ARHGEF28: variants seen among roughly 807,000 people sequenced by gnomAD.
ARHGEF28 encodes the protein Rho guanine nucleotide exchange factor 28.
In ARHGEF28, 152 loss-of-function variants were observed where a neutral mutation model predicts 206.6. The observed-to-expected ratio is 0.74, with a 90% CI of 0.64 to 0.84. The LOEUF (loss-of-function observed/expected upper bound fraction) is 0.84, where lower values mean the gene tolerates loss of function less well. ARHGEF28 is among the 40% of genes least tolerant of loss of function. ARHGEF28 has a pLI of 0.00. For synonymous variants in ARHGEF28, 763 were observed against 776.4 expected, an observed-to-expected ratio of 0.98 and a Z score of 0.29; for missense variants, 2,028 against 2,073.2, an observed-to-expected ratio of 0.98 and a Z score of 0.42.
intron 9 of ARHGEF28, among the ~76,000 whole-genome samples, chr5:73,815,252 A>G (rs60211480): frequency 0.076 from 11,614 of 152,086 alleles, 773 homozygotes; most frequent in African/African-American, 0.17. Context: ...TCGTACACAA[A>G]TAGAAAATGC....
intron 2 of ARHGEF28, among the ~76,000 whole-genome samples, chr5:73,695,781 T>C (rs1048546935): frequency 6.6e-6 from 1 of 152,214 alleles, no homozygotes; most frequent in African/African-American, 2.4e-5. Context: ...TCTTCAGAGT[T>C]GCCATTTTCT....
intron 9 of ARHGEF28, among the ~76,000 whole-genome samples, chr5:73,805,334 T>C (rs1352825002): frequency 1.3e-5 from 2 of 151,938 alleles, no homozygotes; most frequent in Non-Finnish European, 2.9e-5. Flanking sequence ...AACCTTGAGG[T>C]TGGGGATGGG....
At chr5:73,756,661 A>T (rs1056919758) in intron 4 of ARHGEF28, among the ~76,000 whole-genome samples, 7 of 152,182 alleles carry the variant, frequency 4.6e-5, no homozygotes, top group Admixed American at 2.0e-4. Context: ...GATATTGGCT[A>T]AGTTTAGATT....
At chr5:73,789,173 A>G (rs926712825) in intron 7 of ARHGEF28, among the ~76,000 whole-genome samples, 3 of 152,230 alleles carry the variant, frequency 2.0e-5, no homozygotes, top group African/African-American at 4.8e-5. Flanking sequence ...CCTCCTATCT[A>G]TCTATCTACC....
intron 14 of ARHGEF28, among the ~76,000 whole-genome samples, chr5:73,857,162 A>T (rs1759098237): frequency 6.6e-6 from 1 of 152,178 alleles, no homozygotes. Context: ...CTCAGGCCGT[A>T]TCAACAGAGG....
intron 2 of ARHGEF28, among the ~76,000 whole-genome samples, chr5:73,714,695 C>T (rs934696195): frequency 6.6e-6 from 1 of 152,144 alleles, no homozygotes; most frequent in Non-Finnish European, 1.5e-5. Flanking sequence ...CAGTCATATG[C>T]ACAAATCTTA....
At position 73,744,632 on chromosome 5, in the gene ARHGEF28, T is replaced by C. The variant is rs181000132; in HGVS notation, c.34-5205T>C. On this transcript the variant is annotated intron_variant, in intron 2 of 35. Coordinates refer to ENST00000513042, the MANE Select transcript of ARHGEF28 (RefSeq NM_001177693.2). ...CACTTAGCACTGTATTTTAGCATAATAGTTTTCATGGCATGTATTAGTAAA... is the reference window on the plus strand; with the variant it reads ...CACTTAGCACTGTATTTTAGCATAACAGTTTTCATGGCATGTATTAGTAAA... 4.2e-3 allele frequency among the ~76,000 whole-genome samples: 632 copies of C among 152,174 alleles called. 1 individual carries two copies. Among genetic ancestry groups the C allele is most frequent in the Non-Finnish European group, 6.5e-3 (440 of 67,920 alleles).
intron 14 of ARHGEF28, among the ~76,000 whole-genome samples, chr5:73,856,178 G>A (rs1377858173): frequency 6.6e-6 from 1 of 152,192 alleles, no homozygotes; most frequent in Non-Finnish European, 1.5e-5. Flanking sequence ...TAAGACACCA[G>A]AGGTTTATGG....
At chr5:73,716,118 A>G (rs1240147885) in intron 2 of ARHGEF28, among the ~76,000 whole-genome samples, 1 of 151,084 alleles carries the variant, frequency 6.6e-6, no homozygotes, top group African/African-American at 2.5e-5. Context: ...AAAACTATCC[A>G]GGGAAGACTA....
At chr5:73,865,294 T>C (rs1759640306) in intron 17 of ARHGEF28, among the ~76,000 whole-genome samples, 1 of 152,186 alleles carries the variant, frequency 6.6e-6, no homozygotes, top group African/African-American at 2.4e-5. Flanking sequence ...TGTGCATTTC[T>C]AACAAGTTTG....
chr5:73,646,209 C>A (rs183614155), intron 1 of ARHGEF28, among the ~76,000 whole-genome samples: 1 of 152,174 alleles, frequency 6.6e-6, no homozygotes, highest in African/African-American at 2.4e-5. Context: ...GGCTTTAATT[C>A]TGACACATCC....
intron 1 of ARHGEF28, among the ~76,000 whole-genome samples, chr5:73,637,215 G>C (rs1561300433): frequency 6.6e-6 from 1 of 152,048 alleles, no homozygotes; most frequent in South Asian, 2.1e-4. Context: ...GAAATGTATG[G>C]CCTTTTTGAT....
At chr5:73,926,500 C>T (rs1227930339) in intron 35 of ARHGEF28, among the ~76,000 whole-genome samples, 1 of 152,170 alleles carries the variant, frequency 6.6e-6, no homozygotes. Context: ...CCCCCCCTAC[C>T]CTTTGGTTCA....
chr5:73,868,484 G>A (rs140239393), intron 20 of ARHGEF28, among the ~76,000 whole-genome samples: 2 of 152,044 alleles, frequency 1.3e-5, no homozygotes, highest in Non-Finnish European at 2.9e-5. Flanking sequence ...CAAGCATAAC[G>A]AAGAGAAATG....
At chr5:73,675,292 A>G (rs1746584453) in intron 1 of ARHGEF28, among the ~76,000 whole-genome samples, 1 of 152,174 alleles carries the variant, frequency 6.6e-6, no homozygotes, top group Non-Finnish European at 1.5e-5. Context: ...AGATTATAGT[A>G]GAAGAAACTG....
intron 2 of ARHGEF28, among the ~76,000 whole-genome samples, chr5:73,741,383 GTGTATATATA>G (rs1751408026): frequency 1.1e-4 from 2 of 18,316 alleles, no homozygotes; most frequent in African/African-American, 3.0e-4. Context: ...GTGTGTGTGT[GTGTATATATA>G]TATATATATA....
chr5:73,893,136 AT>A, intron 27 of ARHGEF28, 60 bp from the exon 28 acceptor site: 1 of 1,324,028 alleles, frequency 7.6e-7, no homozygotes, highest in Middle Eastern at 1.9e-4. Flanking sequence ...TGTTTTTCTA[AT>A]GAATCTACAG....
chr5:73,634,852 C>T (rs1364905997), intron 1 of ARHGEF28, among the ~76,000 whole-genome samples: 1 of 152,218 alleles, frequency 6.6e-6, no homozygotes. Context: ...GTCTTCTATG[C>T]TCTATCACCA....
At chr5:73,883,064 C>T (rs1217269163) in intron 23 of ARHGEF28, among the ~76,000 whole-genome samples, 1 of 152,112 alleles carries the variant, frequency 6.6e-6, no homozygotes, top group Non-Finnish European at 1.5e-5. Flanking sequence ...CTGATTATCT[C>T]ATAAAATTGG....
Sources: gnomAD v4.1 joint callset for allele counts (sites outside exome capture counted in the v4.1 genomes callset) on GRCh38, gnomAD v4.1.1 for gene constraint, MANE v1.5 for transcripts, NCBI Gene and HGNC (gene_info 2026-07-23, HGNC 2026-07-21) for gene names.